The following SDK2 variants were observed in gnomAD, a reference collection of about 807,000 sequenced individuals.
The protein encoded by SDK2 is sidekick cell adhesion molecule 2.
In SDK2, 105 loss-of-function variants were observed where a neutral mutation model predicts 253.9. The observed-to-expected ratio is 0.41, with a 90% CI of 0.35 to 0.49. The LOEUF is 0.49. Among genes scored for constraint, SDK2 ranks in the 20% least tolerant of loss-of-function variants. SDK2 has a pLI of 0.06. For synonymous variants in SDK2, 1,249 were observed against 1,234.9 expected (o/e 1.01, Z -0.24); for missense variants, 2,608 against 3,003.0 (o/e 0.87, Z 3.07).
intron 44 of SDK2, among the ~76,000 whole-genome samples, chr17:73,344,134 G>A (rs923318287): frequency 6.6e-6 from 1 of 152,162 alleles, no homozygotes; most frequent in Non-Finnish European, 1.5e-5. Flanking sequence ...AAGAACCTCA[G>A]AATTGTGCCC....
At chr17:73,363,040 A>G (rs2062654516) in intron 38 of SDK2, among the ~76,000 whole-genome samples, 1 of 152,202 alleles carries the variant, frequency 6.6e-6, no homozygotes, top group African/African-American at 2.4e-5. Flanking sequence ...AAGTAAAATA[A>G]CAGAGCATGT....
chr17:73,408,830 A>T (rs1245456747), intron 18 of SDK2, among the ~76,000 whole-genome samples: 4 of 152,212 alleles, frequency 2.6e-5, no homozygotes, highest in Non-Finnish European at 5.9e-5. Flanking sequence ...TCCTGAAGCA[A>T]ATAAAACCAC....
At chr17:73,380,102 A>G (rs1232932048) in intron 34 of SDK2, among the ~76,000 whole-genome samples, 1 of 152,064 alleles carries the variant, frequency 6.6e-6, no homozygotes, top group Non-Finnish European at 1.5e-5. Context: ...GCTGCAAGAA[A>G]CGGGCGCAGT....
chr17:73,423,041 A>AATAAATAAATAAATAG (rs61207815), intron 14 of SDK2, among the ~76,000 whole-genome samples: 6,524 of 151,436 alleles, frequency 0.043, 329 homozygotes, highest in African/African-American at 0.12. Flanking sequence ...TAAATAAATA[A>AATAAATAAATAAATAG]ATAATAAATA....
intron 1 of SDK2, among the ~76,000 whole-genome samples, chr17:73,624,981 A>T (rs1318636986): frequency 1.3e-5 from 2 of 152,190 alleles, no homozygotes; most frequent in African/African-American, 4.8e-5. Flanking sequence ...TAAGAGGATT[A>T]ACATTTTCTT....
At chr17:73,576,228 C>T (rs923176972) in intron 1 of SDK2, among the ~76,000 whole-genome samples, 8 of 152,010 alleles carry the variant, frequency 5.3e-5, no homozygotes, top group Non-Finnish European at 1.0e-4. Context: ...GGGGAGGGAA[C>T]GTCCCAAGGA....
Position 73,438,130 on chromosome 17 carries a change from A to G in SDK2, c.750T>C (p.Ile250=). The change falls in exon 7 of 45, where the codon ATT becomes ATC. Residue 250 remains isoleucine (I), a synonymous_variant. Coordinates refer to ENST00000392650, the MANE Select transcript of SDK2 (RefSeq NM_001144952.2). ...NARPLIKLHI[I]WKKDGVLLSG... is the part of the protein sequence containing the mutation. ...ACAGCAATACCCCGTCCTTCTTCCA[A>G]ATGATATGTAGCTTGATCAGGGGCC... 1 of 1,551,552 alleles carries G rather than the reference A, an allele frequency of 6.4e-7. No individual in the cohort carries two copies.
intron 1 of SDK2, among the ~76,000 whole-genome samples, chr17:73,630,347 G>A (rs1271887633): frequency 6.6e-6 from 1 of 152,136 alleles, no homozygotes; most frequent in African/African-American, 2.4e-5. Flanking sequence ...TCAAGTATGA[G>A]ACCCACTGCT....
chr17:73,385,541 C>A (rs558837999), intron 32 of SDK2, among the ~76,000 whole-genome samples: 151 of 152,296 alleles, frequency 9.9e-4, no homozygotes, highest in Non-Finnish European at 1.9e-3. Flanking sequence ...GCTATGTGAC[C>A]TGGGGCCATT....
chr17:73,612,835 T>C lies in SDK2; in HGVS notation c.64+31190A>G, dbSNP rs1464201907. Among the ~76,000 whole-genome samples, 1 of 152,188 alleles carries C rather than the reference T, an allele frequency of 6.6e-6. No homozygotes were observed. The highest frequency in any genetic ancestry group is 1.5e-5 in the Non-Finnish European group (1 of 68,028). ...AGGAGGCTGAGGCAGGACAATCTCTTGAACCCAGGAGGCAGAAGTTGCAGT... is the reference window on the plus strand; with the variant it reads ...AGGAGGCTGAGGCAGGACAATCTCTCGAACCCAGGAGGCAGAAGTTGCAGT... On this transcript the variant is annotated intron_variant, in intron 1 of 44. Coordinates refer to ENST00000392650, the MANE Select transcript of SDK2 (RefSeq NM_001144952.2). This position sits in a 1 kb window ranked among gnomAD's most constrained non-coding sequence, Gnocchi z 4.4.
chr17:73,631,404 G>C (rs2046268662), intron 1 of SDK2, among the ~76,000 whole-genome samples: 1 of 152,236 alleles, frequency 6.6e-6, no homozygotes, highest in South Asian at 2.1e-4. Flanking sequence ...AGAGACTTTG[G>C]GGTTGACCGA....
In SDK2 at chr17:73,395,114, G is replaced by A. The variant is rs776745744; in HGVS notation, c.3592+41C>T. On this transcript the variant is annotated intron_variant, in intron 25 of 44. Coordinates refer to ENST00000392650, the MANE Select transcript of SDK2 (RefSeq NM_001144952.2). The surrounding 1 kb of genome is among the most constrained non-coding windows in gnomAD (Gnocchi z 4.3). ...ACCCTGAGGGCATAGAGACCAAGGAGGGGACAGGCAGCAGGGTGGCTGGGT... is the reference window on the plus strand; with the variant it reads ...ACCCTGAGGGCATAGAGACCAAGGAAGGGACAGGCAGCAGGGTGGCTGGGT... 6 of 1,496,690 alleles carry A rather than the reference G, an allele frequency of 4.0e-6. No individual in the cohort carries two copies. Among genetic ancestry groups the A allele is most frequent in the African/African-American group, 1.4e-5 (1 of 72,338 alleles). The allele number at this position is 1,496,690 out of a possible 1,614,324, so 92.7% of individuals were successfully genotyped here.
intron 1 of SDK2, among the ~76,000 whole-genome samples, chr17:73,539,282 C>G (rs2044827770): frequency 6.6e-6 from 1 of 152,122 alleles, no homozygotes; most frequent in Non-Finnish European, 1.5e-5. Flanking sequence ...AAAAAACAAC[C>G]ATTAACGGGG....
At chr17:73,555,690 G>A (rs529156545) in intron 1 of SDK2, among the ~76,000 whole-genome samples, 4 of 152,242 alleles carry the variant, frequency 2.6e-5, no homozygotes, top group Non-Finnish European at 5.9e-5. Context: ...TAGAGGAAGT[G>A]AGGGGCTGCC....
intron 1 of SDK2, among the ~76,000 whole-genome samples, chr17:73,543,445 C>G (rs1327438133): frequency 6.6e-6 from 1 of 152,216 alleles, no homozygotes; most frequent in Non-Finnish European, 1.5e-5. Context: ...CCCTATTCCT[C>G]CATGTGCAGA....
chr17:73,630,960 G>A (rs922283328), intron 1 of SDK2, among the ~76,000 whole-genome samples: 2 of 152,086 alleles, frequency 1.3e-5, no homozygotes, highest in Admixed American at 6.5e-5. Context: ...AGGGCCTGAG[G>A]AGGAAGGGGT....
chr17:73,562,442 G>T (rs954837962), intron 1 of SDK2, among the ~76,000 whole-genome samples: 1 of 152,142 alleles, frequency 6.6e-6, no homozygotes, highest in African/African-American at 2.4e-5. Context: ...CAATTAACTT[G>T]CCTGTTCCTC....
At chr17:73,389,928 T>C (rs971365797) in intron 29 of SDK2, among the ~76,000 whole-genome samples, 12 of 152,182 alleles carry the variant, frequency 7.9e-5, no homozygotes, top group Non-Finnish European at 1.3e-4. Flanking sequence ...TTTGTATTTT[T>C]AGTAGAGACG....
At chr17:73,345,330 G>GA (rs1331997380) in intron 44 of SDK2, among the ~76,000 whole-genome samples, 3 of 149,762 alleles carry the variant, frequency 2.0e-5, no homozygotes, top group East Asian at 2.0e-4. Context: ...AAAAAAAAAA[G>GA]AAAAAAAAAG....
Sources: allele counts gnomAD v4.1 joint callset (sites outside exome capture counted in the v4.1 genomes callset), GRCh38; gene constraint gnomAD v4.1.1; non-coding constraint Gnocchi (gnomAD v3.1); transcripts MANE v1.5; gene names NCBI Gene and HGNC (gene_info 2026-07-23, HGNC 2026-07-21).